SUPT3H: variants seen among roughly 807,000 people sequenced by gnomAD.
The protein encoded by SUPT3H is SPT3 homolog, SAGA and STAGA complex component.
A neutral mutation model predicts 44.3 loss-of-function variants in SUPT3H; 44 were observed. The observed-to-expected ratio is 0.99, with a 90% CI of 0.78 to 1.28. The LOEUF (loss-of-function observed/expected upper bound fraction) is 1.28. SUPT3H is among the 50% of genes most tolerant of loss of function. SUPT3H has a pLI of 0.00. For missense variants in SUPT3H, 380 were observed against 387.1 expected (o/e 0.98, Z 0.15); for synonymous variants, 124 against 125.6 (o/e 0.99, Z 0.09).
At chr6:45,118,352 A>G (rs1222992007) in intron 2 of SUPT3H, among the ~76,000 whole-genome samples, 2 of 152,076 alleles carry the variant, frequency 1.3e-5, no homozygotes, top group Non-Finnish European at 2.9e-5. Context: ...AGCAAATAAA[A>G]ATATTAATAG....
intron 2 of SUPT3H, among the ~76,000 whole-genome samples, chr6:45,284,188 A>T (rs1203986475): frequency 6.6e-6 from 1 of 152,226 alleles, no homozygotes; most frequent in Non-Finnish European, 1.5e-5. Flanking sequence ...AAACAACTGG[A>T]GAAGCAAGAG....
intron 2 of SUPT3H, among the ~76,000 whole-genome samples, chr6:45,222,886 GCAA>G (rs1766296837): frequency 6.6e-6 from 1 of 152,064 alleles, no homozygotes; most frequent in African/African-American, 2.4e-5. Flanking sequence ...ACTAATGAAT[GCAA>G]CAACATGGAT....
At chr6:45,292,982 T>C (rs1407545246) in intron 2 of SUPT3H, among the ~76,000 whole-genome samples, 1 of 151,828 alleles carries the variant, frequency 6.6e-6, no homozygotes, top group Non-Finnish European at 1.5e-5. Flanking sequence ...TTGGAACAAA[T>C]GAACTTAGCA....
chr6:45,346,776 A>T (rs1401255487), intron 2 of SUPT3H, among the ~76,000 whole-genome samples: 1 of 152,094 alleles, frequency 6.6e-6, no homozygotes, highest in Non-Finnish European at 1.5e-5. Flanking sequence ...CATGTTGGTC[A>T]GGCTGGTCTC....
At chr6:45,241,194 T>C (rs1770248131) in intron 2 of SUPT3H, among the ~76,000 whole-genome samples, 1 of 148,714 alleles carries the variant, frequency 6.7e-6, no homozygotes, top group Non-Finnish European at 1.5e-5. Flanking sequence ...AAGGGGGACA[T>C]GTTGGGAACA....
At chr6:44,939,601 CT>C (rs1323678826) in intron 9 of SUPT3H, among the ~76,000 whole-genome samples, 4 of 152,006 alleles carry the variant, frequency 2.6e-5, no homozygotes, top group African/African-American at 7.2e-5. Flanking sequence ...GAATTCCCTA[CT>C]CCTTAATTTT....
chr6:45,049,721 C>G (rs1473785679), intron 3 of SUPT3H, among the ~76,000 whole-genome samples: 1 of 151,938 alleles, frequency 6.6e-6, no homozygotes, highest in African/African-American at 2.4e-5. Context: ...AACAAACAAG[C>G]AAAAAACCCC....
intron 10 of SUPT3H, among the ~76,000 whole-genome samples, chr6:44,900,925 C>A (rs1764914091): frequency 1.3e-5 from 2 of 152,174 alleles, no homozygotes; most frequent in Non-Finnish European, 2.9e-5. Flanking sequence ...CTGGAGTGGA[C>A]CTCCAGCAAA....
At chr6:44,866,203 A>G (rs1195402454) in intron 10 of SUPT3H, among the ~76,000 whole-genome samples, 3 of 148,516 alleles carry the variant, frequency 2.0e-5, no homozygotes, top group Non-Finnish European at 4.4e-5. Flanking sequence ...CTTTTGTATG[A>G]TTCCTATGGG....
chr6:44,950,187 C>T (rs1227284238), intron 9 of SUPT3H, among the ~76,000 whole-genome samples: 1 of 152,174 alleles, frequency 6.6e-6, no homozygotes, highest in Admixed American at 6.6e-5. Flanking sequence ...GCAGTTACTA[C>T]AAGAAATGTT....
intron 10 of SUPT3H, among the ~76,000 whole-genome samples, chr6:44,861,936 G>A (rs1245104857): frequency 6.6e-6 from 1 of 152,148 alleles, no homozygotes; most frequent in African/African-American, 2.4e-5. Context: ...TTATGTGGCT[G>A]AAGTTTCAAA....
chr6:45,221,820 T>G (rs1269465438), intron 2 of SUPT3H, among the ~76,000 whole-genome samples: 1 of 152,122 alleles, frequency 6.6e-6, no homozygotes, highest in Non-Finnish European at 1.5e-5. Flanking sequence ...CTAGAACAGC[T>G]AAAACAATCT....
chr6:44,819,112 T>A (rs1306808967), intron 11 of SUPT3H, among the ~76,000 whole-genome samples: 3 of 152,124 alleles, frequency 2.0e-5, no homozygotes, highest in Non-Finnish European at 4.4e-5. Context: ...TTGTAGTGCA[T>A]CCATATGATG....
At chr6:45,102,404 AT>A (rs1798706156) in intron 3 of SUPT3H, among the ~76,000 whole-genome samples, 1 of 152,162 alleles carries the variant, frequency 6.6e-6, no homozygotes, top group African/African-American at 2.4e-5. Context: ...TGTCTACAAT[AT>A]GGGGGAGAAA....
rs561965800 is a variant in SUPT3H, at chr6:45,153,619, C to T, written c.102-47613G>A. ...GGCACAGTGGCCCACACCTGTAATCCCAACACTTAGGGAGCCCGAGGCTGA... is the reference window on the plus strand; with the variant it reads ...GGCACAGTGGCCCACACCTGTAATCTCAACACTTAGGGAGCCCGAGGCTGA... On this transcript the variant is annotated intron_variant, in intron 2 of 10. Transcript: ENST00000371459. 2.0e-5 allele frequency among the ~76,000 whole-genome samples: 3 copies of T among 152,232 alleles called. No individual in the cohort carries two copies. In the South Asian group the frequency reaches 6.2e-4, roughly 32 times the overall value.
chr6:45,124,951 T>C (rs1310808716), intron 2 of SUPT3H, among the ~76,000 whole-genome samples: 1 of 152,016 alleles, frequency 6.6e-6, no homozygotes, highest in East Asian at 1.9e-4. Context: ...GAAGGCAATA[T>C]GAAGACGGAG....
At chr6:45,223,610 T>C (rs1281174558) in intron 2 of SUPT3H, among the ~76,000 whole-genome samples, 2 of 151,980 alleles carry the variant, frequency 1.3e-5, no homozygotes, top group Non-Finnish European at 2.9e-5. Flanking sequence ...CTTAATCTGA[T>C]ATATATCTTC....
At chr6:45,160,656 G>T (rs535930983) in intron 2 of SUPT3H, among the ~76,000 whole-genome samples, 3 of 151,832 alleles carry the variant, frequency 2.0e-5, no homozygotes, top group African/African-American at 7.3e-5. Flanking sequence ...AGTGAGGAAG[G>T]TAGAGTAAAA....
chr6:45,370,941 C>G (rs1401665918), intron 1 of SUPT3H, among the ~76,000 whole-genome samples: 1 of 152,136 alleles, frequency 6.6e-6, no homozygotes, highest in Non-Finnish European at 1.5e-5. Context: ...TTTGCAAAAA[C>G]AGTCCCTAAG....
Sources: allele counts gnomAD v4.1 joint callset (sites outside exome capture counted in the v4.1 genomes callset), GRCh38; gene constraint gnomAD v4.1.1; transcripts MANE v1.5; gene names NCBI Gene and HGNC (gene_info 2026-07-23, HGNC 2026-07-21).